VAT1L: variants seen among roughly 807,000 people sequenced by gnomAD.
VAT1L encodes the protein putative NADPH-dependent quinone oxidoreductase VAT1L.
Under a neutral mutation model 44.1 loss-of-function variants are expected in VAT1L, and 34 were observed. That is an observed-to-expected ratio of 0.77 (90% CI 0.59 to 1.03). The LOEUF (loss-of-function observed/expected upper bound fraction) is 1.03. VAT1L is among the 50% of genes least tolerant of loss of function. VAT1L has a pLI of 0.00. For synonymous variants in VAT1L, 253 were observed against 202.2 expected, an observed-to-expected ratio of 1.25 and a Z score of -2.13; for missense variants, 615 against 538.8, an observed-to-expected ratio of 1.14 and a Z score of -1.40.
chr16:77,937,922 T>G (rs2017823650), intron 7 of VAT1L, among the ~76,000 whole-genome samples: 1 of 152,222 alleles, frequency 6.6e-6, no homozygotes, highest in Admixed American at 6.5e-5. Context: ...AGAATCACAG[T>G]GCTCTGAAAG....
At chr16:77,922,935 A>G (rs963557769) in intron 7 of VAT1L, among the ~76,000 whole-genome samples, 2 of 152,114 alleles carry the variant, frequency 1.3e-5, no homozygotes, top group Non-Finnish European at 2.9e-5. Context: ...CGGGACCTCA[A>G]CCCAGACCTG....
chr16:77,821,556 G>A (rs60183891), intron 2 of VAT1L, among the ~76,000 whole-genome samples: 2,804 of 152,182 alleles, frequency 0.018, 41 homozygotes, highest in African/African-American at 0.04. Flanking sequence ...GCTTCCTAAA[G>A]TGCTGGGATT....
intron 3 of VAT1L, among the ~76,000 whole-genome samples, chr16:77,843,169 C>T (rs1653028420): frequency 6.6e-6 from 1 of 152,186 alleles, no homozygotes; most frequent in South Asian, 2.1e-4. Flanking sequence ...CGGGTCTACC[C>T]ATCTGCTCAT....
intron 3 of VAT1L, among the ~76,000 whole-genome samples, chr16:77,857,169 C>T (rs928212278): frequency 3.9e-5 from 6 of 152,286 alleles, no homozygotes; most frequent in South Asian, 4.1e-4. Context: ...GCATGCAAAT[C>T]GTCATTTACT....
At chr16:77,973,387 C>T (rs1421203060) in intron 8 of VAT1L, among the ~76,000 whole-genome samples, 1 of 151,968 alleles carries the variant, frequency 6.6e-6, no homozygotes, top group African/African-American at 2.4e-5. Flanking sequence ...CGGGTTCAAG[C>T]GATTCTCCTG....
chr16:77,829,298 C>A (rs995659018), intron 3 of VAT1L, among the ~76,000 whole-genome samples: 1 of 152,160 alleles, frequency 6.6e-6, no homozygotes, highest in Non-Finnish European at 1.5e-5. Context: ...GAAGACTAAA[C>A]CTAGTAATAG....
chr16:77,815,707 G>A (rs1305310910), intron 1 of VAT1L, among the ~76,000 whole-genome samples: 2 of 151,998 alleles, frequency 1.3e-5, no homozygotes, highest in African/African-American at 2.4e-5. Context: ...AGTGGCTCAT[G>A]CCTGTAATCC....
intron 5 of VAT1L, among the ~76,000 whole-genome samples, chr16:77,878,703 T>A (rs1158068851): frequency 6.6e-6 from 1 of 152,076 alleles, no homozygotes; most frequent in Non-Finnish European, 1.5e-5. Flanking sequence ...TTTTTTCCAA[T>A]CCATCTATAT....
chr16:77,885,003 C>T (rs1237104235), intron 7 of VAT1L, among the ~76,000 whole-genome samples: 1 of 152,212 alleles, frequency 6.6e-6, no homozygotes, highest in African/African-American at 2.4e-5. Context: ...TTGCAAACCA[C>T]GTGCCTCATC....
At chr16:77,886,489 G>A (rs1320805636) in intron 7 of VAT1L, among the ~76,000 whole-genome samples, 1 of 152,170 alleles carries the variant, frequency 6.6e-6, no homozygotes, top group Non-Finnish European at 1.5e-5. Flanking sequence ...AATCCAAGAG[G>A]AGTCCACTTG....
At chr16:77,930,332 G>A (rs1007856957) in intron 7 of VAT1L, among the ~76,000 whole-genome samples, 3 of 152,142 alleles carry the variant, frequency 2.0e-5, no homozygotes, top group Non-Finnish European at 2.9e-5. Flanking sequence ...TCTTTGGGGG[G>A]ACATGGCTTA....
intron 7 of VAT1L, among the ~76,000 whole-genome samples, chr16:77,898,523 C>G (rs1158307422): frequency 6.6e-6 from 1 of 152,178 alleles, no homozygotes; most frequent in East Asian, 1.9e-4. Flanking sequence ...TCATTTCTTT[C>G]CTAAGCCTTG....
intron 7 of VAT1L, among the ~76,000 whole-genome samples, chr16:77,952,365 C>T (rs1344847604): frequency 1.3e-5 from 2 of 152,064 alleles, no homozygotes; most frequent in Non-Finnish European, 2.9e-5. Flanking sequence ...GTGTTCGGAT[C>T]AGGGGAGCAG....
intron 3 of VAT1L, among the ~76,000 whole-genome samples, chr16:77,825,858 TAA>T (rs10657560): frequency 7.2e-6 from 1 of 139,034 alleles, no homozygotes. Context: ...CTACTAAAAA[TAA>T]AAAAAAAAAA....
At chr16:77,869,214 T>C (rs527931873) in intron 4 of VAT1L, among the ~76,000 whole-genome samples, 2 of 152,306 alleles carry the variant, frequency 1.3e-5, no homozygotes, top group South Asian at 4.1e-4. Flanking sequence ...GGGAAAATAC[T>C]GCAAGATGAG....
chr16:77,918,092 G>A (rs1220276788), intron 7 of VAT1L, among the ~76,000 whole-genome samples: 1 of 152,176 alleles, frequency 6.6e-6, no homozygotes, highest in Admixed American at 6.6e-5. Context: ...TCCAATAAAT[G>A]TGTGAATGGG....
intron 1 of VAT1L, among the ~76,000 whole-genome samples, chr16:77,812,828 A>T (rs1051139384): frequency 9.9e-5 from 15 of 152,208 alleles, no homozygotes; most frequent in Admixed American, 8.5e-4. Flanking sequence ...TCTCAATGAT[A>T]ACTCTTTAAA....
chr16:77,847,825 T>C (rs981505096), intron 3 of VAT1L, among the ~76,000 whole-genome samples: 1 of 152,224 alleles, frequency 6.6e-6, no homozygotes, highest in Non-Finnish European at 1.5e-5. Flanking sequence ...TTAGTGTTAT[T>C]TGAATTTTTA....
intron 7 of VAT1L, among the ~76,000 whole-genome samples, chr16:77,946,441 G>A (rs564682103): frequency 1.3e-5 from 2 of 151,344 alleles, no homozygotes; most frequent in African/African-American, 2.4e-5. Flanking sequence ...CCGCCACCAC[G>A]GCCAGCTAAT....
Sources: allele counts gnomAD v4.1 joint callset (sites outside exome capture counted in the v4.1 genomes callset), GRCh38; gene constraint gnomAD v4.1.1; transcripts MANE v1.5; gene names NCBI Gene and HGNC (gene_info 2026-07-23, HGNC 2026-07-21).